Variants in SH3GL2 observed in about 807,000 individuals in gnomAD.
SH3GL2 encodes SH3 domain containing GRB2 like 2, endophilin A1.
In SH3GL2, 24 loss-of-function variants were observed where a neutral mutation model predicts 46.0. The observed-to-expected ratio is 0.52, with a 90% CI of 0.38 to 0.73. The LOEUF is 0.73. SH3GL2 is among the 30% of genes least tolerant of loss of function. SH3GL2 has a pLI of 0.00. For synonymous variants in SH3GL2, 196 were observed against 147.1 expected (o/e 1.33, Z -2.40); for missense variants, 413 against 424.2 (o/e 0.97, Z 0.23).
At chr9:17,747,917 G>C (rs569299342) in intron 2 of SH3GL2, among the ~76,000 whole-genome samples, 7 of 151,930 alleles carry the variant, frequency 4.6e-5, no homozygotes, top group African/African-American at 1.7e-4. Flanking sequence ...CAGGTGGTCC[G>C]CCTGCCTCAG....
At chr9:17,763,212 G>A (rs998041149) in intron 3 of SH3GL2, among the ~76,000 whole-genome samples, 3 of 152,178 alleles carry the variant, frequency 2.0e-5, no homozygotes, top group African/African-American at 4.8e-5. Flanking sequence ...ATCAGTGGGA[G>A]CTCATCAGTT....
intron 1 of SH3GL2, among the ~76,000 whole-genome samples, chr9:17,709,414 A>C (rs767445781): frequency 1.3e-5 from 2 of 151,978 alleles, no homozygotes; most frequent in African/African-American, 4.8e-5. Flanking sequence ...GGGCTGATCC[A>C]TACATAAATG....
At chr9:17,591,891 T>C (rs1416993076) in intron 1 of SH3GL2, among the ~76,000 whole-genome samples, 1 of 152,234 alleles carries the variant, frequency 6.6e-6, no homozygotes, top group Admixed American at 6.5e-5. Flanking sequence ...TTCCTAAGCG[T>C]ATCATTCAGT....
chr9:17,704,450 T>G (rs1249577467), intron 1 of SH3GL2, among the ~76,000 whole-genome samples: 1 of 151,734 alleles, frequency 6.6e-6, no homozygotes, highest in African/African-American at 2.4e-5. Context: ...ATATTAGAAC[T>G]CCTATGGAAT....
rs185447889 is a variant in SH3GL2 at position 17,704,713 on chromosome 9, G to A, written c.46-42353G>A. The stretch of plus-strand genomic sequence containing the variant: ...ACTCCTTATTCAGTAAATGTTGCTG[G>A]GATAACTGGCTAGCCAATATGCAGA... On this transcript the variant is annotated intron_variant, in intron 1 of 8. Transcript: ENST00000380607. Among the ~76,000 whole-genome samples, 5 of 152,146 alleles carry A rather than the reference G, an allele frequency of 3.3e-5. No individual in the cohort carries two copies. In the East Asian group the frequency reaches 7.7e-4, roughly 23 times the overall value.
intron 1 of SH3GL2, among the ~76,000 whole-genome samples, chr9:17,700,715 A>C (rs1005045467): frequency 6.6e-6 from 1 of 152,180 alleles, no homozygotes; most frequent in East Asian, 1.9e-4. Flanking sequence ...CCTGGGTTAA[A>C]ATCCTGTCAG....
chr9:17,595,230 A>AT (rs1213735263), intron 1 of SH3GL2, among the ~76,000 whole-genome samples: 1 of 152,204 alleles, frequency 6.6e-6, no homozygotes, highest in Non-Finnish European at 1.5e-5. Flanking sequence ...GTCACCTTAT[A>AT]TATCAAACCA....
chr9:17,760,521 A>G (rs1823140391), intron 2 of SH3GL2, among the ~76,000 whole-genome samples: 1 of 152,120 alleles, frequency 6.6e-6, no homozygotes. Context: ...CACTAGGTAC[A>G]GCAGGTTATG....
chr9:17,678,606 C>A (rs887071081), intron 1 of SH3GL2, among the ~76,000 whole-genome samples: 4 of 152,222 alleles, frequency 2.6e-5, no homozygotes, highest in African/African-American at 9.6e-5. Context: ...ATGGTATTTT[C>A]TTTTGCTGTG....
intron 3 of SH3GL2, among the ~76,000 whole-genome samples, chr9:17,775,088 T>A (rs1015387281): frequency 6.6e-6 from 1 of 152,166 alleles, no homozygotes; most frequent in Non-Finnish European, 1.5e-5. Flanking sequence ...CATAGTACTC[T>A]TAATAATCTT....
chr9:17,664,755 G>C (rs79022875), intron 1 of SH3GL2, among the ~76,000 whole-genome samples: 1 of 151,236 alleles, frequency 6.6e-6, no homozygotes. Flanking sequence ...AGGGAGTCTG[G>C]GGATATTTTT....
intron 1 of SH3GL2, among the ~76,000 whole-genome samples, chr9:17,726,991 C>A (rs896083877): frequency 3.3e-5 from 5 of 152,100 alleles, no homozygotes; most frequent in African/African-American, 1.2e-4. Flanking sequence ...TCATGAGCAG[C>A]AGGAGACATT....
intron 1 of SH3GL2, among the ~76,000 whole-genome samples, chr9:17,614,371 A>C (rs569020002): frequency 6.7e-6 from 1 of 150,004 alleles, no homozygotes; most frequent in East Asian, 2.0e-4. Flanking sequence ...GGCTAGCCAG[A>C]TCCCTCTTTT....
At chr9:17,711,214 C>A (rs1441402376) in intron 1 of SH3GL2, among the ~76,000 whole-genome samples, 1 of 151,838 alleles carries the variant, frequency 6.6e-6, no homozygotes, top group African/African-American at 2.4e-5. Context: ...ACCACTACTA[C>A]CATTAGTGTT....
At chr9:17,680,705 C>G (rs1291946592) in intron 1 of SH3GL2, among the ~76,000 whole-genome samples, 1 of 152,052 alleles carries the variant, frequency 6.6e-6, no homozygotes, top group African/African-American at 2.4e-5. Context: ...TTCTCTAGTT[C>G]TTTTAATTGT....
At position 17,681,273 on chromosome 9, in the gene SH3GL2, G is replaced by A. The variant is rs530653657; in HGVS notation, c.46-65793G>A. Among the ~76,000 whole-genome samples, 5 of 152,170 alleles carry A rather than the reference G, an allele frequency of 3.3e-5. No homozygotes were observed. In the South Asian group the frequency reaches 1.0e-3, roughly 32 times the overall value. ...TAACAACAACAAAAGAGTCTAATCA[G>A]TATGTGGTGGAAGACTACTACAGTG... is the stretch of plus-strand genomic sequence containing the variant. On this transcript the variant is annotated intron_variant, in intron 1 of 8. Coordinates refer to ENST00000380607, the MANE Select transcript of SH3GL2 (RefSeq NM_003026.5).
At chr9:17,645,378 G>A (rs560573970) in intron 1 of SH3GL2, among the ~76,000 whole-genome samples, 34 of 152,054 alleles carry the variant, frequency 2.2e-4, no homozygotes, top group African/African-American at 8.0e-4. Context: ...TACATTTAAG[G>A]TTAATATTCT....
chr9:17,700,726 C>T, intron 1 of SH3GL2, among the ~76,000 whole-genome samples: 1 of 152,252 alleles, frequency 6.6e-6, no homozygotes, highest in East Asian at 1.9e-4. Context: ...ATCCTGTCAG[C>T]AATAACGCCA....
chr9:17,586,031 T>C (rs995468861), intron 1 of SH3GL2, among the ~76,000 whole-genome samples: 5 of 152,204 alleles, frequency 3.3e-5, no homozygotes, highest in African/African-American at 1.2e-4. Flanking sequence ...ACTATACTTA[T>C]TAAAATGCCA....
Sources: gnomAD v4.1 joint callset for allele counts (sites outside exome capture counted in the v4.1 genomes callset) on GRCh38, gnomAD v4.1.1 for gene constraint, MANE v1.5 for transcripts, NCBI Gene and HGNC (gene_info 2026-07-23, HGNC 2026-07-21) for gene names.